Variants in PCSK6 observed in about 807,000 individuals in gnomAD.
PCSK6 encodes proprotein convertase subtilisin/kexin type 6, also known as paired basic amino acid cleaving enzyme 4.
A neutral mutation model predicts 123.3 loss-of-function variants in PCSK6; 85 were observed. The ratio of observed to expected loss-of-function variants is 0.69; its 90% CI spans 0.58 to 0.83. The LOEUF (loss-of-function observed/expected upper bound fraction) is 0.83. Ranked by LOEUF, PCSK6 falls within the 40% of genes least tolerant of loss-of-function variation. The pLI, the probability that PCSK6 is intolerant of heterozygous loss-of-function variation, is 0.00. For synonymous variants in PCSK6, 508 were observed against 516.0 expected, an observed-to-expected ratio of 0.98 and a Z score of 0.21; for missense variants, 1,191 against 1,282.3, an observed-to-expected ratio of 0.93 and a Z score of 1.09.
At chr15:101,346,689 G>C (rs1187707172) in intron 13 of PCSK6, 16 of 1,088,106 alleles carry the variant, frequency 1.5e-5, no homozygotes, top group Non-Finnish European at 1.7e-5. Flanking sequence ...ATCTGGGAAA[G>C]GGGTTTCAAG....
chr15:101,432,172 G>T, intron 2 of PCSK6, 72 bp from the exon 3 acceptor site: 2 of 1,231,490 alleles, frequency 1.6e-6, no homozygotes, highest in Non-Finnish European at 2.3e-6. Flanking sequence ...CTTTGCAGGT[G>T]CTACAGCCTT....
At chr15:101,337,901 G>T (rs1317290169) in intron 13 of PCSK6, among the ~76,000 whole-genome samples, 1 of 152,208 alleles carries the variant, frequency 6.6e-6, no homozygotes, top group African/African-American at 2.4e-5. Flanking sequence ...GGTTATGACA[G>T]AACGTTTAGT....
intron 13 of PCSK6, chr15:101,347,291 G>C (rs1409812742): frequency 1.6e-6 from 2 of 1,232,724 alleles, no homozygotes; most frequent in African/African-American, 3.1e-5. Context: ...TAGCTCAAAA[G>C]AGATGTCAAT....
chr15:101,361,487 C>G (rs1405954622), intron 13 of PCSK6, among the ~76,000 whole-genome samples: 2 of 152,162 alleles, frequency 1.3e-5, no homozygotes, highest in Non-Finnish European at 2.9e-5. Flanking sequence ...GAGGCCAGGT[C>G]TGAGCTGCAG....
chr15:101,358,234 A>G (rs1381040431), intron 13 of PCSK6, among the ~76,000 whole-genome samples: 1 of 152,142 alleles, frequency 6.6e-6, no homozygotes, highest in Non-Finnish European at 1.5e-5. Flanking sequence ...ACTTCATTCT[A>G]CAAAAGGACA....
chr15:101,459,280 C>T (rs2057272865), intron 1 of PCSK6, among the ~76,000 whole-genome samples: 2 of 152,182 alleles, frequency 1.3e-5, no homozygotes, highest in African/African-American at 4.8e-5. Flanking sequence ...TGGCTTCCTC[C>T]ATCCTGTTGC....
chr15:101,471,162 T>C (rs940398589), intron 1 of PCSK6, among the ~76,000 whole-genome samples: 2 of 152,192 alleles, frequency 1.3e-5, no homozygotes, highest in Non-Finnish European at 2.9e-5. Context: ...ACAGTAATCC[T>C]TTCAGATGCC....
At chr15:101,374,888 G>T (rs1567173799) in intron 11 of PCSK6, among the ~76,000 whole-genome samples, 2 of 152,060 alleles carry the variant, frequency 1.3e-5, no homozygotes, top group East Asian at 3.9e-4. Context: ...GAGGTAAGCT[G>T]CTTCATTCAT....
At chr15:101,332,129 T>G (rs2040384440) in intron 13 of PCSK6, 98 bp from the exon 14 acceptor site, 1 of 1,137,088 alleles carries the variant, frequency 8.8e-7, no homozygotes, top group African/African-American at 1.6e-5. Context: ...CCCTGATAGC[T>G]GGGCTCTGGC....
intron 11 of PCSK6, among the ~76,000 whole-genome samples, chr15:101,378,396 C>T (rs1240375144): frequency 6.6e-6 from 1 of 152,230 alleles, no homozygotes; most frequent in East Asian, 1.9e-4. Context: ...CTGGAGGACT[C>T]TAGCAAGTCA....
At chr15:101,355,892 G>T (rs774477176) in intron 13 of PCSK6, among the ~76,000 whole-genome samples, 1 of 152,164 alleles carries the variant, frequency 6.6e-6, no homozygotes, top group African/African-American at 2.4e-5. Flanking sequence ...GGCAAGAAGG[G>T]CGGGCTGGGA....
intron 1 of PCSK6, among the ~76,000 whole-genome samples, chr15:101,461,144 C>T (rs562100798): frequency 2.6e-5 from 4 of 151,968 alleles, no homozygotes; most frequent in South Asian, 2.1e-4. Context: ...AAAATTAAGG[C>T]GCAAACGAAT....
chr15:101,404,507 G>C (rs1302774597), intron 6 of PCSK6, among the ~76,000 whole-genome samples: 2 of 152,170 alleles, frequency 1.3e-5, no homozygotes, highest in Non-Finnish European at 2.9e-5. Context: ...AAGGGTCAGG[G>C]CCAGGCCCAG....
chr15:101,361,867 T>A (rs2041233073), intron 13 of PCSK6, among the ~76,000 whole-genome samples: 1 of 151,620 alleles, frequency 6.6e-6, no homozygotes, highest in African/African-American at 2.4e-5. Context: ...CAGACTGAGA[T>A]ATATTCTGGA....
rs544461673 is a variant in PCSK6, at chr15:101,429,664, G to A, written c.734+323C>T. Reference sequence around the variant, plus strand: ...CCAAACTGCTGTCTTCACACAGCAGGTCATGGAGACGGTTAGACTTAAGGG... The same window carrying A: ...CCAAACTGCTGTCTTCACACAGCAGATCATGGAGACGGTTAGACTTAAGGG... On this transcript the variant is annotated intron_variant, in intron 5 of 21. Transcript: ENST00000611716. 8.5e-5 allele frequency among the ~76,000 whole-genome samples: 13 copies of A among 152,330 alleles called. No individual in the cohort carries two copies. In the South Asian group the frequency reaches 2.5e-3, roughly 29 times the overall value.
intron 1 of PCSK6, among the ~76,000 whole-genome samples, chr15:101,459,887 T>A (rs764249372): frequency 1.1e-4 from 17 of 152,088 alleles, no homozygotes; most frequent in Non-Finnish European, 2.2e-4. Context: ...TCTGAAACAT[T>A]TTTAAGTCGC....
At chr15:101,482,419 C>G (rs1276858478) in intron 1 of PCSK6, among the ~76,000 whole-genome samples, 1 of 152,178 alleles carries the variant, frequency 6.6e-6, no homozygotes, top group African/African-American at 2.4e-5. Context: ...CAAGTACAAC[C>G]CGGAAGCCCT....
intron 1 of PCSK6, among the ~76,000 whole-genome samples, chr15:101,463,927 G>GC (rs1313680484): frequency 1.3e-5 from 2 of 152,138 alleles, no homozygotes; most frequent in African/African-American, 2.4e-5. Flanking sequence ...GAACCAGAAG[G>GC]CCCCCATGGT....
intron 18 of PCSK6, 38 bp from the exon 19 acceptor site, chr15:101,318,460 C>T (rs2040044171): frequency 1.3e-6 from 2 of 1,498,494 alleles, no homozygotes; most frequent in African/African-American, 2.8e-5. Context: ...ACATCCATTC[C>T]AAAAGTCTAA....
Sources: allele counts gnomAD v4.1 joint callset (sites outside exome capture counted in the v4.1 genomes callset), GRCh38; gene constraint gnomAD v4.1.1; transcripts MANE v1.5; gene names NCBI Gene and HGNC (gene_info 2026-07-23, HGNC 2026-07-21).